The following TMEM132C variants were observed in gnomAD, a reference collection of about 807,000 sequenced individuals.
TMEM132C encodes the protein protein phosphatase 1, regulatory subunit 152.
In TMEM132C, 29 loss-of-function variants were observed where a neutral mutation model predicts 61.4. That is an observed-to-expected ratio of 0.47 (90% CI 0.35 to 0.64). The LOEUF (loss-of-function observed/expected upper bound fraction) is 0.64. Ranked by LOEUF, TMEM132C falls within the 30% of genes least tolerant of loss-of-function variation. The pLI is 0.00. For missense variants in TMEM132C, 1,408 were observed against 1,476.9 expected, an observed-to-expected ratio of 0.95 and a Z score of 0.76; for synonymous variants, 656 against 633.1, an observed-to-expected ratio of 1.04 and a Z score of -0.54.
intron 2 of TMEM132C, among the ~76,000 whole-genome samples, chr12:128,469,854 A>T (rs1870885867): frequency 6.6e-6 from 1 of 152,046 alleles, no homozygotes; most frequent in Admixed American, 6.6e-5. Flanking sequence ...ACCTGTGTGT[A>T]TATACACACA....
At chr12:128,616,423 C>T in intron 4 of TMEM132C, 88 bp downstream of exon 4, 3 of 1,339,742 alleles carry the variant, frequency 2.2e-6, no homozygotes, top group East Asian at 5.1e-5. Flanking sequence ...ATGTTTGCTA[C>T]AATGATTTTA....
At chr12:128,363,845 G>GAAA (rs528314942) in intron 1 of TMEM132C, among the ~76,000 whole-genome samples, 3 of 101,376 alleles carry the variant, frequency 3.0e-5, no homozygotes, top group Non-Finnish European at 5.8e-5. Context: ...ACTCTGTCTC[G>GAAA]AAAAAAAAAA....
chr12:128,512,403 A>G (rs1238763078), intron 2 of TMEM132C, among the ~76,000 whole-genome samples: 1 of 152,062 alleles, frequency 6.6e-6, no homozygotes, highest in African/African-American at 2.4e-5. Context: ...CCCCCTAACA[A>G]TATGTCCTGG....
At chr12:128,383,325 T>C (rs1874474328) in intron 1 of TMEM132C, among the ~76,000 whole-genome samples, 1 of 152,156 alleles carries the variant, frequency 6.6e-6, no homozygotes, top group African/African-American at 2.4e-5. Context: ...ATTTTCAGCT[T>C]TCGCAATGGC....
chr12:128,514,686 A>AAGGGTGT (rs1872666731), intron 2 of TMEM132C, among the ~76,000 whole-genome samples: 1 of 152,200 alleles, frequency 6.6e-6, no homozygotes, highest in Non-Finnish European at 1.5e-5. Flanking sequence ...AATGGAACCC[A>AAGGGTGT]AGAGTGAGAA....
At chr12:128,392,281 G>A (rs773051555) in intron 1 of TMEM132C, among the ~76,000 whole-genome samples, 1 of 152,200 alleles carries the variant, frequency 6.6e-6, no homozygotes, top group Non-Finnish European at 1.5e-5. Context: ...CCAGGCAGCC[G>A]AGTTTACAAG....
In TMEM132C at chr12:128,496,864, A is replaced by G. The variant is rs150218774; in HGVS notation, c.975-47093A>G. 1.4e-4 allele frequency among the ~76,000 whole-genome samples: 22 copies of G among 152,288 alleles called. No homozygotes were observed. The East Asian group carries it at 4.1e-3, about 28-fold the overall frequency. ...GTCATTCTCCATCCAGCTTTGTTCC[A>G]TTGCTGGCGAGGAGCTGCATTCTTT... On this transcript the variant is annotated intron_variant, in intron 2 of 8. Transcript: ENST00000435159.
At chr12:128,581,645 TC>T (rs1401530935) in intron 3 of TMEM132C, among the ~76,000 whole-genome samples, 6 of 152,208 alleles carry the variant, frequency 3.9e-5, no homozygotes, top group African/African-American at 1.4e-4. Flanking sequence ...GGAGTGCGTT[TC>T]AGAGCCAGGC....
rs541427598 is a variant in TMEM132C at position 128,680,932 on chromosome 12, A to G, written c.1449+11372A>G. ...CACGGACCTTGCAGCTGGTCTCTGC[A>G]TTGATGAAAAGTTTCTGGTCAGGTT... On this transcript the variant is annotated intron_variant, in intron 5 of 8. Coordinates refer to ENST00000435159, the MANE Select transcript of TMEM132C (RefSeq NM_001136103.3). Among the ~76,000 whole-genome samples the G allele has an allele frequency of 3.3e-5, 5 of 152,326 alleles. No individual in the cohort carries two copies. In the East Asian group the frequency reaches 9.6e-4, roughly 29 times the overall value.
chr12:128,695,786 A>T (rs1399511309), intron 6 of TMEM132C, 44 bp from the exon 7 acceptor site: 29 of 1,493,866 alleles, frequency 1.9e-5, no homozygotes, highest in Middle Eastern at 2.0e-4. Context: ...AACGTCTTAG[A>T]CTCCTCTCCC....
In TMEM132C at chr12:128,278,710, C is replaced by T. The variant is rs991663421; in HGVS notation, c.85+11223C>T. Among the ~76,000 whole-genome samples the T allele has an allele frequency of 4.6e-5, 7 of 151,526 alleles. No individual in the cohort carries two copies. Among genetic ancestry groups the T allele is most frequent in the Admixed American group, 2.0e-4 (3 of 15,190 alleles). On this transcript the variant is annotated intron_variant, in intron 1 of 8. Transcript: ENST00000435159. The surrounding 1 kb of genome is among the most constrained non-coding windows in gnomAD (Gnocchi z 4.2). ...TTTTTGTCTTAACTTGTGTGGGCCA[C>T]GGTTCCCAGATATTTGTGCAGACTT...
At chr12:128,612,226 A>G (rs1876661492) in intron 3 of TMEM132C, among the ~76,000 whole-genome samples, 1 of 152,122 alleles carries the variant, frequency 6.6e-6, no homozygotes, top group Non-Finnish European at 1.5e-5. Context: ...GTGGACACAG[A>G]ACTATCTCTT....
chr12:128,593,858 C>T (rs528450771), intron 3 of TMEM132C, among the ~76,000 whole-genome samples: 8 of 152,226 alleles, frequency 5.3e-5, no homozygotes, highest in Middle Eastern at 3.4e-3. Context: ...TAGTTTCCAT[C>T]TCTCTCTCAT....
At chr12:128,305,121 G>A (rs1209546536) in intron 1 of TMEM132C, among the ~76,000 whole-genome samples, 1 of 152,114 alleles carries the variant, frequency 6.6e-6, no homozygotes, top group Non-Finnish European at 1.5e-5. Context: ...GCTCACACCT[G>A]TAATCCCAGT....
intron 3 of TMEM132C, among the ~76,000 whole-genome samples, chr12:128,605,154 C>CATAG (rs201852638): frequency 0.022 from 3,404 of 151,418 alleles, 132 homozygotes; most frequent in African/African-American, 0.078. Context: ...TACATAGATA[C>CATAG]ATAGATAATG....
chr12:128,634,609 G>A (rs1954087355), intron 4 of TMEM132C, among the ~76,000 whole-genome samples: 1 of 152,220 alleles, frequency 6.6e-6, no homozygotes. Context: ...CTATGTGAGT[G>A]ACACCTCCTG....
intron 4 of TMEM132C, among the ~76,000 whole-genome samples, chr12:128,654,843 T>G (rs1367671038): frequency 2.6e-5 from 4 of 152,260 alleles, no homozygotes; most frequent in Admixed American, 2.6e-4. Flanking sequence ...AAGAACAGCC[T>G]CCCTATGGAT....
intron 4 of TMEM132C, among the ~76,000 whole-genome samples, chr12:128,668,068 T>G (rs948575939): frequency 6.6e-6 from 1 of 151,266 alleles, no homozygotes; most frequent in Non-Finnish European, 1.5e-5. Context: ...AAGCTAGGAG[T>G]TCAAGACCAG....
chr12:128,326,021 C>T lies in TMEM132C; in HGVS notation c.85+58534C>T, dbSNP rs919800247. 6.6e-5 allele frequency among the ~76,000 whole-genome samples: 10 copies of T among 151,966 alleles called. No homozygotes were observed. Among genetic ancestry groups the T allele is most frequent in the South Asian group, 2.1e-4 (1 of 4,806 alleles). The stretch of plus-strand genomic sequence containing the variant: ...ACTTGGTGGTATTCCTGGGTCCTGA[C>T]GCCATACTCAGGACATGGCCAGTAT... On this transcript the variant is annotated intron_variant, in intron 1 of 8. Coordinates refer to ENST00000435159, the MANE Select transcript of TMEM132C (RefSeq NM_001136103.3). The surrounding 1 kb of genome is among the most constrained non-coding windows in gnomAD (Gnocchi z 5.6).
Sources: gnomAD v4.1 joint callset for allele counts (sites outside exome capture counted in the v4.1 genomes callset) on GRCh38, gnomAD v4.1.1 for gene constraint, Gnocchi (gnomAD v3.1) non-coding constraint, MANE v1.5 for transcripts, NCBI Gene and HGNC (gene_info 2026-07-23, HGNC 2026-07-21) for gene names.